CFAP74: variants seen among roughly 807,000 people sequenced by gnomAD.
CFAP74 encodes cilia and flagella associated protein 74.
In CFAP74, 124 loss-of-function variants were observed where a neutral mutation model predicts 188.9. The ratio of observed to expected loss-of-function variants is 0.66; its 90% CI spans 0.57 to 0.76. CFAP74 has a LOEUF of 0.76. CFAP74 is among the 30% of genes least tolerant of loss of function. CFAP74 has a pLI of 0.00. For missense variants in CFAP74, 2,198 were observed against 2,165.2 expected (o/e 1.02, Z -0.30); for synonymous variants, 956 against 916.7 (o/e 1.04, Z -0.77).
chr1:1,966,808 C>G (rs567288606), intron 11 of CFAP74, among the ~76,000 whole-genome samples: 2 of 151,602 alleles, frequency 1.3e-5, no homozygotes, highest in Non-Finnish European at 2.9e-5. Context: ...GCATCCTTGG[C>G]GCCGATCCTC....
chr1:1,971,918 G>C (rs13303329), intron 9 of CFAP74, 62 bp downstream of exon 9: 299,911 of 1,302,964 alleles, frequency 0.23, 35,674 homozygotes, highest in Middle Eastern at 0.32. Flanking sequence ...AGGAGCAGGG[G>C]CCCAGGGACG....
chr1:1,926,425 G>A (rs773215093), intron 31 of CFAP74, 32 bp downstream of exon 31: 46 of 1,550,094 alleles, frequency 3.0e-5, no homozygotes, highest in Admixed American at 5.9e-5. Context: ...CTCCCACCCC[G>A]CAGGCCGCCT....
rs5772056 is a variant in CFAP74 at position 1,994,174 on chromosome 1, T to TAA, written c.-19-3201_-19-3200dup. On this transcript the variant is annotated intron_variant, in intron 1 of 38. Transcript: ENST00000682832. Reference sequence around the variant, plus strand: ...AGCAAGACCCTGACTCTAAAAGGGTTAAAAAAAAAAAAAAAAAAAGCTTTA... The same window carrying TAA: ...AGCAAGACCCTGACTCTAAAAGGGTTAAAAAAAAAAAAAAAAAAAAAGCTTTA... 3.4e-3 allele frequency among the ~76,000 whole-genome samples: 391 copies of TAA among 114,662 alleles called. 3 individuals carry two copies. The highest frequency in any genetic ancestry group is 7.9e-3 in the South Asian group (27 of 3,430). The allele number at this position is 114,662 out of a possible 152,430, so 75.2% of individuals were successfully genotyped here.
intron 1 of CFAP74, among the ~76,000 whole-genome samples, chr1:1,991,712 A>G (rs1163423329): frequency 6.6e-6 from 1 of 152,206 alleles, no homozygotes; most frequent in African/African-American, 2.4e-5. Flanking sequence ...ATATGAATCA[A>G]GCCATAATGA....
At position 1,968,692 on chromosome 1, in the gene CFAP74, C is replaced by A. The variant is rs939686308; in HGVS notation, c.1188G>T (p.Trp396Cys). Residue 396 changes from tryptophan (W) to cysteine (C), a missense_variant, in exon 11 of 39, where the codon TGG (tryptophan) becomes TGT (cysteine). Trp to Cys is a radical substitution (Grantham distance 215). Coordinates refer to ENST00000682832, the MANE Select transcript of CFAP74 (RefSeq NM_001304360.2). This position sits in a 1 kb window ranked among gnomAD's most constrained non-coding sequence, Gnocchi z 4.3. ...RHRLTLRDKT[W>C]NYISDFCKKT... The stretch of plus-strand genomic sequence containing the variant: ...TCTTGCAAAAGTCAGAAATGTAGTT[C>A]CAGGTCTTGTCCCTCAGGGTCAGCC... The A allele has an allele frequency of 6.2e-7, 1 of 1,614,088 alleles. No individual in the cohort carries two copies. Among genetic ancestry groups the A allele is most frequent in the South Asian group, 1.1e-5 (1 of 91,078 alleles).
rs771251385 is a variant in CFAP74, at chr1:1,974,170, C to A, written c.529G>T (p.Glu177Ter). Residue 177 changes from glutamate to a stop codon, truncating the protein, a stop_gained, in exon 7 of 39, where the codon GAG (glutamate) becomes TAG (stop). Coordinates refer to ENST00000682832, the MANE Select transcript of CFAP74 (RefSeq NM_001304360.2). LOFTEE classifies it high-confidence loss of function. The stretch of plus-strand genomic sequence containing the variant: ...GTCCGGAAGGCCTCGAGTCGCCCCT[C>A]CTGGATCTCGATGTGCCACATGGTG... ...ENTMWHIEIQEGRLEAFRTAD... is the reference protein window; with the variant it reads ...ENTMWHIEIQ 1 of 1,609,330 alleles carries A rather than the reference C, an allele frequency of 6.2e-7. No homozygotes were observed. The highest frequency in any genetic ancestry group is 1.7e-5 in the Admixed American group (1 of 59,436).
rs377157257 is a variant in CFAP74, at chr1:1,972,888, G to A, written c.785+49C>T. On this transcript the variant is annotated intron_variant, in intron 8 of 38. Coordinates refer to ENST00000682832, the MANE Select transcript of CFAP74 (RefSeq NM_001304360.2). ...AGGGCATTTCAAGACAAAAGCAAGT[G>A]ACCCGTATTCTTGGGTTTCTCCTTA... 5.7e-4 allele frequency: 654 copies of A among 1,145,816 alleles called. 3 individuals are homozygous for A. Among genetic ancestry groups the A allele is most frequent in the South Asian group, 5.4e-3 (434 of 80,388 alleles). The allele number at this position is 1,145,816 out of a possible 1,614,324, so 71.0% of individuals were successfully genotyped here. A position where few individuals can be genotyped will look rare whatever the true frequency, so the allele number is the denominator to read the frequency against.
At chr1:1,944,869 G>A (rs35778258) in intron 20 of CFAP74, among the ~76,000 whole-genome samples, 3,908 of 152,216 alleles carry the variant, frequency 0.026, 70 homozygotes, top group Non-Finnish European at 0.034. Flanking sequence ...GCCTCCCAAA[G>A]TGCAGGGATT....
chr1:1,969,328 TTGCCCAGCCCTGCCC>T (rs1655744822), intron 10 of CFAP74, among the ~76,000 whole-genome samples: 1 of 39,054 alleles, frequency 2.6e-5, no homozygotes, highest in Admixed American at 3.0e-4. Context: ...CAGCCCTGCC[TTGCCCAGCCCTGCCC>T]TGCCCAGCCC....
rs1655887523 is a variant in CFAP74 at position 1,970,657 on chromosome 1, A to T, written c.1046+2T>A. On this transcript the variant is annotated splice_donor_variant, in intron 10 of 38. Transcript: ENST00000682832. LOFTEE classifies it high-confidence loss of function. Reference sequence around the variant, plus strand: ...CGGTGGCACCTCTGCCACCACCCTCACCTCTTCTGGGCCTCCAGCTCCTGG... The same window carrying T: ...CGGTGGCACCTCTGCCACCACCCTCTCCTCTTCTGGGCCTCCAGCTCCTGG... 6.2e-7 allele frequency: 1 copy of T among 1,603,534 alleles called. No individual in the cohort carries two copies. Among genetic ancestry groups the T allele is most frequent in the Admixed American group, 1.7e-5 (1 of 57,838 alleles).
rs1262113511 is a variant in CFAP74 at position 1,934,943 on chromosome 1, G to C, written c.3011+3912C>G. ...AGGTTGTAGGTACACAGGTGTGTAC[G>C]TGGGTGTTAGGTTGTAGGTACACGT... On this transcript the variant is annotated intron_variant, in intron 25 of 38. Coordinates refer to ENST00000682832, the MANE Select transcript of CFAP74 (RefSeq NM_001304360.2). 3.9e-3 allele frequency among the ~76,000 whole-genome samples: 132 copies of C among 34,258 alleles called. 1 individual carries two copies. The highest frequency in any genetic ancestry group is 0.012 in the Middle Eastern group (1 of 84). The allele number at this position is 34,258 out of a possible 152,430, so 22.5% of individuals were successfully genotyped here.
intron 2 of CFAP74, 61 bp downstream of exon 2, chr1:1,990,829 A>G: frequency 9.1e-6 from 12 of 1,321,206 alleles, no homozygotes; most frequent in Non-Finnish European, 1.3e-5. Flanking sequence ...GCTACTATGA[A>G]GCATGTCATT....
At chr1:1,935,548 G>A (rs564368463) in intron 25 of CFAP74, among the ~76,000 whole-genome samples, 2 of 101,160 alleles carry the variant, frequency 2.0e-5, no homozygotes, top group African/African-American at 7.0e-5. Context: ...CTGTTAGGTT[G>A]TAGGTATACA....
intron 25 of CFAP74, among the ~76,000 whole-genome samples, chr1:1,934,640 CGTGGGTGTT>C (rs1652710083): frequency 5.5e-5 from 6 of 108,510 alleles, no homozygotes; most frequent in South Asian, 6.4e-4. Flanking sequence ...CACGTGTGTA[CGTGGGTGTT>C]AGGCTGTAGG....
chr1:1,945,833 A>T (rs960680777), intron 20 of CFAP74, among the ~76,000 whole-genome samples: 5 of 131,814 alleles, frequency 3.8e-5, no homozygotes, highest in African/African-American at 1.2e-4. Context: ...AACTCAAAAA[A>T]AAAAAAAAAA....
At position 1,959,490 on chromosome 1, in the gene CFAP74, T is replaced by A. The variant is rs181373141; in HGVS notation, c.1762-281A>T. On this transcript the variant is annotated intron_variant, in intron 15 of 38. Transcript: ENST00000682832. ...CATGTTGCCCAGGCTGGTCTTGAAC[T>A]TCTGGGCTCAAGCGACCCTCCTGCC... Among the ~76,000 whole-genome samples, 20 of 152,306 alleles carry A rather than the reference T, an allele frequency of 1.3e-4. 1 individual carries two copies. In the East Asian group the frequency reaches 3.7e-3, roughly 28 times the overall value.
intron 25 of CFAP74, among the ~76,000 whole-genome samples, chr1:1,931,153 G>C (rs1044612729): frequency 6.6e-6 from 1 of 152,196 alleles, no homozygotes; most frequent in Non-Finnish European, 1.5e-5. Context: ...TAAAAAGGCT[G>C]GCATGGTGGC....
chr1:1,962,497 A>T (rs1288963953), intron 14 of CFAP74, among the ~76,000 whole-genome samples: 1 of 149,284 alleles, frequency 6.7e-6, no homozygotes, highest in Non-Finnish European at 1.5e-5. Context: ...AAAAAAAAGT[A>T]AGTTACTAAG....
chr1:1,943,988 G>A lies in CFAP74; in HGVS notation c.2486+343C>T, dbSNP rs540991318. Among the ~76,000 whole-genome samples the A allele has an allele frequency of 1.3e-5, 2 of 152,254 alleles. 1 individual carries two copies. Among genetic ancestry groups the A allele is most frequent in the South Asian group, 4.2e-4 (2 of 4,808 alleles). On this transcript the variant is annotated intron_variant, in intron 21 of 38. Coordinates refer to ENST00000682832, the MANE Select transcript of CFAP74 (RefSeq NM_001304360.2). Reference sequence around the variant, plus strand: ...AAATCGGCCTGACTCTGACCCTCCTGCCTCCCTGTGACGCCTCCCGTGATG... The same window carrying A: ...AAATCGGCCTGACTCTGACCCTCCTACCTCCCTGTGACGCCTCCCGTGATG...
Sources: allele counts gnomAD v4.1 joint callset (sites outside exome capture counted in the v4.1 genomes callset), GRCh38; gene constraint gnomAD v4.1.1; non-coding constraint Gnocchi (gnomAD v3.1); transcripts MANE v1.5; gene names NCBI Gene and HGNC (gene_info 2026-07-23, HGNC 2026-07-21).